Variants in ANO5 observed in about 807,000 individuals in gnomAD.
The protein encoded by ANO5 is anoctamin-5.
Under a neutral mutation model 121.0 loss-of-function variants are expected in ANO5, and 109 were observed. The observed-to-expected ratio is 0.90, with a 90% confidence interval of 0.77 to 1.06. The LOEUF (loss-of-function observed/expected upper bound fraction) is 1.06, where lower values mean the gene tolerates loss of function less well. Among genes scored for constraint, ANO5 ranks in the 50% least tolerant of loss-of-function variants. The pLI is 0.00. For synonymous variants in ANO5, 406 were observed against 359.9 expected (o/e 1.13, Z -1.45); for missense variants, 1,064 against 1,078.5 (o/e 0.99, Z 0.19).
At chr11:22,215,338 A>C (rs995313221) in intron 3 of ANO5, among the ~76,000 whole-genome samples, 1 of 151,974 alleles carries the variant, frequency 6.6e-6, no homozygotes, top group Non-Finnish European at 1.5e-5. Context: ...CAGTATTTAT[A>C]ATTGATCTGT....
At chr11:22,194,294 A>G (rs1260959167) in intron 1 of ANO5, among the ~76,000 whole-genome samples, 1 of 152,140 alleles carries the variant, frequency 6.6e-6, no homozygotes, top group African/African-American at 2.4e-5. Flanking sequence ...CTTCAATGAT[A>G]TTTTATTTTC....
intron 9 of ANO5, among the ~76,000 whole-genome samples, chr11:22,245,259 T>C (rs1564933239): frequency 6.6e-6 from 1 of 152,150 alleles, no homozygotes; most frequent in Non-Finnish European, 1.5e-5. Context: ...TGCTCTGTGG[T>C]GGGGTGAAAA....
intron 2 of ANO5, among the ~76,000 whole-genome samples, chr11:22,204,167 A>G (rs1172733809): frequency 6.6e-6 from 1 of 152,100 alleles, no homozygotes; most frequent in Non-Finnish European, 1.5e-5. Context: ...ATGTTAGTGT[A>G]GTCTGTGATA....
chr11:22,236,577 T>A (rs1420812198), intron 8 of ANO5, among the ~76,000 whole-genome samples: 1 of 152,224 alleles, frequency 6.6e-6, no homozygotes, highest in Non-Finnish European at 1.5e-5. Flanking sequence ...GAACATAATA[T>A]TTGGAAATTT....
intron 6 of ANO5, 72 bp downstream of exon 6, chr11:22,226,124 T>G: frequency 7.9e-7 from 1 of 1,263,966 alleles, no homozygotes; most frequent in Non-Finnish European, 1.1e-6. Flanking sequence ...GGCCTTTGCC[T>G]GGATAGACTC....
chr11:22,257,587 A>T, intron 13 of ANO5, 93 bp from the exon 14 acceptor site: 1 of 1,043,264 alleles, frequency 9.6e-7, no homozygotes, highest in Non-Finnish European at 1.5e-6. Context: ...GGAGACTCCT[A>T]CTTTAACTGG....
rs1191668273 is a variant in ANO5, at chr11:22,193,514, G to T, written c.22G>T (p.Glu8Ter). 1 of 1,613,162 alleles carries T rather than the reference G, an allele frequency of 6.2e-7. No homozygotes were observed. The highest frequency in any genetic ancestry group is 8.5e-7 in the Non-Finnish European group (1 of 1,179,818). ...GAAGATGGGCGACCCGGATCTCCTG[G>T]AAGTGTTGGCGGAGGAAGGTAGGAC... MGDPDLLEVLAEEGEKVN... is the reference protein window; with the variant it reads MGDPDLL The change falls in exon 1 of 22, where the codon GAA (glutamate) becomes TAA (stop). Residue 8 changes from glutamate (E) to a stop codon, truncating the protein, a stop_gained. Transcript: ENST00000324559. LOFTEE classifies it high-confidence loss of function.
intron 1 of ANO5, among the ~76,000 whole-genome samples, chr11:22,199,114 A>G (rs1182756761): frequency 1.2e-4 from 18 of 152,176 alleles, no homozygotes; most frequent in Admixed American, 1.2e-3. Flanking sequence ...AAAACATTTT[A>G]AGAGCAGATC....
chr11:22,254,326 A>T (rs1853921187), intron 12 of ANO5, among the ~76,000 whole-genome samples: 1 of 152,154 alleles, frequency 6.6e-6, no homozygotes, highest in African/African-American at 2.4e-5. Flanking sequence ...TCTTTTATAG[A>T]TGATACAATT....
chr11:22,235,547 A>C (rs919523785), intron 7 of ANO5, among the ~76,000 whole-genome samples: 1 of 151,484 alleles, frequency 6.6e-6, no homozygotes, highest in Non-Finnish European at 1.5e-5. Flanking sequence ...TTTAGCAATT[A>C]GAAAGAAGAA....
Position 22,207,419 on chromosome 11 carries a change from A to G in ANO5, c.87+3569A>G, listed in dbSNP as rs1157874477. Reference sequence around the variant, plus strand: ...AAGTACAGCCAAATGATTTTGGACAAATGTGCAAAAGCAGTTCAATGGAAC... The same window carrying G: ...AAGTACAGCCAAATGATTTTGGACAGATGTGCAAAAGCAGTTCAATGGAAC... On this transcript the variant is annotated intron_variant, in intron 2 of 21. Transcript: ENST00000324559. 2.0e-5 allele frequency among the ~76,000 whole-genome samples: 3 copies of G among 152,166 alleles called. No individual in the cohort carries two copies. In the East Asian group the frequency reaches 5.8e-4, roughly 29 times the overall value.
intron 1 of ANO5, among the ~76,000 whole-genome samples, chr11:22,195,224 G>A (rs1362711906): frequency 6.6e-6 from 1 of 152,032 alleles, no homozygotes; most frequent in Non-Finnish European, 1.5e-5. Context: ...AGTTATTCAC[G>A]TTTTTGGAGA....
chr11:22,257,627 C>A, intron 13 of ANO5, 53 bp from the exon 14 acceptor site: 1 of 1,451,890 alleles, frequency 6.9e-7, no homozygotes, highest in Non-Finnish European at 9.7e-7. Flanking sequence ...TGCTTGGAGT[C>A]TTGACTTAGA....
At chr11:22,236,799 T>C (rs1853236403) in intron 8 of ANO5, among the ~76,000 whole-genome samples, 1 of 152,204 alleles carries the variant, frequency 6.6e-6, no homozygotes. Context: ...AACTGCAATA[T>C]AAACTAAAGG....
chr11:22,195,459 G>C (rs1211028491), intron 1 of ANO5, among the ~76,000 whole-genome samples: 1 of 151,760 alleles, frequency 6.6e-6, no homozygotes, highest in East Asian at 1.9e-4. Context: ...GACAGGGTCT[G>C]GCTCTATTGC....
Position 22,227,162 on chromosome 11 carries a change from A to G in ANO5, c.364-140A>G. The G allele has an allele frequency of 5.3e-6, 6 of 1,141,928 alleles. No individual in the cohort carries two copies. In the South Asian group the frequency reaches 8.9e-5, roughly 17 times the overall value. 70.7% of individuals were successfully genotyped at this position (1,141,928 alleles called of 1,614,324 possible). On this transcript the variant is annotated intron_variant, in intron 6 of 21. Transcript: ENST00000324559. ...TGTTTTGTGAATTTTGTTTTCTCAA[A>G]GTTTTGCCTGAAAATTTCAAAATAT... is the stretch of plus-strand genomic sequence containing the variant.
intron 21 of ANO5, among the ~76,000 whole-genome samples, chr11:22,278,879 TTTAC>T (rs1440579966): frequency 1.4e-5 from 2 of 138,668 alleles, no homozygotes; most frequent in Non-Finnish European, 3.2e-5. Flanking sequence ...TTTCACTGTT[TTTAC>T]TTTTTTTTTT....
In ANO5 at chr11:22,259,620, G is replaced by A. The variant is rs777074437; in HGVS notation, c.1509G>A (p.Gln503=). 2 of 1,613,876 alleles carry A rather than the reference G, an allele frequency of 1.2e-6. No individual in the cohort carries two copies. ...SFMESDASLK[Q]VKSFLTPQIT... ...TGGAAAGTGATGCATCCTTAAAGCA[G>A]GTCAAAAGCTTCCTTACTCCTCAGA... Residue 503 remains glutamine (Q), a synonymous_variant, in exon 15 of 22, where the codon CAG becomes CAA. Coordinates refer to ENST00000324559, the MANE Select transcript of ANO5 (RefSeq NM_213599.3).
At chr11:22,250,440 T>A (rs1853772546) in intron 10 of ANO5, 69 bp downstream of exon 10, 2 of 1,586,064 alleles carry the variant, frequency 1.3e-6, no homozygotes, top group Non-Finnish European at 1.7e-6. Flanking sequence ...TTGTTGTTAT[T>A]ATTTCCCTGG....
Sources: gnomAD v4.1 joint callset for allele counts (sites outside exome capture counted in the v4.1 genomes callset) on GRCh38, gnomAD v4.1.1 for gene constraint, MANE v1.5 for transcripts, NCBI Gene and HGNC (gene_info 2026-07-23, HGNC 2026-07-21) for gene names.